KCNH7: variants seen among roughly 807,000 people sequenced by gnomAD.
KCNH7 encodes the protein potassium voltage-gated channel subfamily H member 7.
A neutral mutation model predicts 120.8 loss-of-function variants in KCNH7; 49 were observed. That is an observed-to-expected ratio of 0.41 (90% CI 0.32 to 0.51). KCNH7 has a LOEUF of 0.51. Ranked by LOEUF, KCNH7 falls within the 20% of genes least tolerant of loss-of-function variation. The pLI, the probability that KCNH7 is intolerant of heterozygous loss-of-function variation, is 0.38. For synonymous variants in KCNH7, 547 were observed against 516.1 expected, an observed-to-expected ratio of 1.06 and a Z score of -0.81; for missense variants, 1,097 against 1,446.6, an observed-to-expected ratio of 0.76 and a Z score of 3.92.
intron 2 of KCNH7, among the ~76,000 whole-genome samples, chr2:162,703,562 A>T (rs1260055615): frequency 6.6e-6 from 1 of 152,188 alleles, no homozygotes; most frequent in East Asian, 1.9e-4. Flanking sequence ...GCATTACAGT[A>T]AGAAACCAAT....
intron 6 of KCNH7, among the ~76,000 whole-genome samples, chr2:162,485,866 C>T (rs1037092639): frequency 6.6e-6 from 1 of 152,164 alleles, no homozygotes; most frequent in Non-Finnish European, 1.5e-5. Context: ...CAGGAAAGAG[C>T]AGTATAGAGC....
rs182708793 is a variant in KCNH7, at chr2:162,735,643, T to G, written c.307+100894A>C. 5.3e-5 allele frequency among the ~76,000 whole-genome samples: 8 copies of G among 152,312 alleles called. No homozygotes were observed. In the East Asian group the frequency reaches 1.5e-3, roughly 29 times the overall value. ...AGACAGTTTAGACATTTCTGTGATTTCATCCCCAGCCAAATATTTTAGTTC... is the reference window on the plus strand; with the variant it reads ...AGACAGTTTAGACATTTCTGTGATTGCATCCCCAGCCAAATATTTTAGTTC... On this transcript the variant is annotated intron_variant, in intron 2 of 15. Transcript: ENST00000332142.
chr2:162,461,476 G>T (rs1285062203), intron 6 of KCNH7, among the ~76,000 whole-genome samples: 1 of 151,996 alleles, frequency 6.6e-6, no homozygotes, highest in African/African-American at 2.4e-5. Context: ...ACATTTTTAG[G>T]GATATTTAAC....
chr2:162,494,824 C>T (rs1690440567), intron 6 of KCNH7, among the ~76,000 whole-genome samples: 4 of 152,080 alleles, frequency 2.6e-5, no homozygotes, highest in African/African-American at 9.7e-5. Context: ...ATATGGGACT[C>T]ATAAAGAGCT....
chr2:162,477,165 C>T (rs145145044), intron 6 of KCNH7, among the ~76,000 whole-genome samples: 32 of 152,300 alleles, frequency 2.1e-4, no homozygotes, highest in African/African-American at 7.2e-4. Flanking sequence ...CGATTAAAGG[C>T]AGTATCTTGA....
intron 2 of KCNH7, among the ~76,000 whole-genome samples, chr2:162,768,052 T>A (rs1289908249): frequency 6.6e-6 from 1 of 152,220 alleles, no homozygotes. Context: ...TAAATTGATT[T>A]GTGTTAGCAA....
chr2:162,597,994 C>T (rs962820036), intron 2 of KCNH7, among the ~76,000 whole-genome samples: 1 of 151,916 alleles, frequency 6.6e-6, no homozygotes, highest in African/African-American at 2.4e-5. Flanking sequence ...ATCTTTCTAC[C>T]CCTAAATCCC....
chr2:162,488,340 T>C (rs1270752350), intron 6 of KCNH7, among the ~76,000 whole-genome samples: 1 of 152,198 alleles, frequency 6.6e-6, no homozygotes, highest in East Asian at 1.9e-4. Context: ...ATGATATTTT[T>C]TTTCTTCCCT....
chr2:162,611,176 G>A (rs894572984), intron 2 of KCNH7, among the ~76,000 whole-genome samples: 3 of 152,198 alleles, frequency 2.0e-5, no homozygotes, highest in East Asian at 3.9e-4. Flanking sequence ...GGCCTGCTGG[G>A]TGGCATTGGT....
At position 162,792,894 on chromosome 2, in the gene KCNH7, C is replaced by T. The variant is rs549687398; in HGVS notation, c.307+43643G>A. ...TTTGTTTGCTCTTAGTTGTCTAGTT[C>T]TTTCAGTTGTGATGTTAGGTTGTTA... On this transcript the variant is annotated intron_variant, in intron 2 of 15. Coordinates refer to ENST00000332142, the MANE Select transcript of KCNH7 (RefSeq NM_033272.4). 2.0e-5 allele frequency among the ~76,000 whole-genome samples: 3 copies of T among 151,270 alleles called. No individual in the cohort carries two copies. The South Asian group carries it at 6.3e-4, about 32-fold the overall frequency.
At chr2:162,770,252 G>C (rs1248724567) in intron 2 of KCNH7, among the ~76,000 whole-genome samples, 9 of 151,184 alleles carry the variant, frequency 6.0e-5, no homozygotes, top group Non-Finnish European at 1.0e-4. Flanking sequence ...GAACAGTAGA[G>C]ATGTTTAAAT....
At chr2:162,529,832 T>A (rs1691853865) in intron 3 of KCNH7, among the ~76,000 whole-genome samples, 2 of 151,900 alleles carry the variant, frequency 1.3e-5, no homozygotes, top group African/African-American at 4.8e-5. Context: ...GACTGCAAAC[T>A]TTTTACAGAA....
intron 2 of KCNH7, among the ~76,000 whole-genome samples, chr2:162,714,683 C>A (rs1175100896): frequency 2.6e-5 from 4 of 152,200 alleles, no homozygotes; most frequent in African/African-American, 9.7e-5. Context: ...CTTGCAACTA[C>A]TCAGTTCTGC....
chr2:162,741,826 T>C (rs1319647976), intron 2 of KCNH7, among the ~76,000 whole-genome samples: 1 of 152,192 alleles, frequency 6.6e-6, no homozygotes, highest in East Asian at 1.9e-4. Context: ...GAGATATACA[T>C]AAGATACTGA....
intron 2 of KCNH7, among the ~76,000 whole-genome samples, chr2:162,816,573 G>T (rs970197984): frequency 8.5e-5 from 13 of 152,108 alleles, no homozygotes; most frequent in African/African-American, 2.9e-4. Context: ...ATATAGGAAA[G>T]AATTAAATGC....
intron 2 of KCNH7, among the ~76,000 whole-genome samples, chr2:162,764,331 A>G (rs1049418316): frequency 1.4e-4 from 21 of 152,118 alleles, no homozygotes; most frequent in African/African-American, 5.1e-4. Flanking sequence ...CAATGTGGTC[A>G]TATTTTATAT....
intron 2 of KCNH7, among the ~76,000 whole-genome samples, chr2:162,770,938 G>A (rs905419890): frequency 6.6e-6 from 1 of 151,954 alleles, no homozygotes; most frequent in African/African-American, 2.4e-5. Flanking sequence ...CTTTCTTCTA[G>A]TTTCTATGGT....
chr2:162,513,844 T>C (rs895515551), intron 4 of KCNH7, among the ~76,000 whole-genome samples: 7 of 151,832 alleles, frequency 4.6e-5, no homozygotes, highest in Non-Finnish European at 1.0e-4. Flanking sequence ...GTTGTCACAA[T>C]GAATTCAGTG....
chr2:162,692,840 A>T (rs1686162366), intron 2 of KCNH7, among the ~76,000 whole-genome samples: 1 of 152,162 alleles, frequency 6.6e-6, no homozygotes. Flanking sequence ...AGTAAGCATC[A>T]TAAGGTAGCC....
Sources: allele counts gnomAD v4.1 joint callset (sites outside exome capture counted in the v4.1 genomes callset), GRCh38; gene constraint gnomAD v4.1.1; transcripts MANE v1.5; gene names NCBI Gene and HGNC (gene_info 2026-07-23, HGNC 2026-07-21).